The following ZNF704 variants were observed in gnomAD, a reference collection of about 807,000 sequenced individuals.
ZNF704 encodes the protein zinc finger protein 704.
In ZNF704, 10 loss-of-function variants were observed where a neutral mutation model predicts 44.7. The observed-to-expected ratio is 0.22, with a 90% CI of 0.14 to 0.38. ZNF704 has a LOEUF of 0.38. Among genes scored for constraint, ZNF704 ranks in the 10% least tolerant of loss-of-function variants. ZNF704 has a pLI of 1.00. For synonymous variants in ZNF704, 211 were observed against 207.6 expected (o/e 1.02, Z -0.14); for missense variants, 390 against 545.5 (o/e 0.71, Z 2.84).
chr8:80,802,915 A>G (rs917344940), intron 2 of ZNF704, among the ~76,000 whole-genome samples: 1 of 152,200 alleles, frequency 6.6e-6, no homozygotes, highest in African/African-American at 2.4e-5. Flanking sequence ...TTTACAGATG[A>G]CAAGATCCTA....
At chr8:80,781,508 A>G (rs1389811287) in intron 2 of ZNF704, among the ~76,000 whole-genome samples, 1 of 152,242 alleles carries the variant, frequency 6.6e-6, no homozygotes, top group East Asian at 1.9e-4. Flanking sequence ...TACTAAAAAC[A>G]GGTGGTGAAC....
chr8:80,798,051 C>T (rs1032857653), intron 2 of ZNF704, among the ~76,000 whole-genome samples: 4 of 151,840 alleles, frequency 2.6e-5, no homozygotes, highest in Admixed American at 2.0e-4. Context: ...TCTTTTTTTG[C>T]TCTTTTTTTC....
At chr8:80,788,151 AGAG>A (rs1489852698) in intron 2 of ZNF704, among the ~76,000 whole-genome samples, 3 of 152,248 alleles carry the variant, frequency 2.0e-5, no homozygotes, top group African/African-American at 7.2e-5. Context: ...TGCAATAATT[AGAG>A]TAGTTGAATA....
intron 1 of ZNF704, among the ~76,000 whole-genome samples, chr8:80,866,916 T>C (rs1282153648): frequency 6.6e-6 from 1 of 152,114 alleles, no homozygotes; most frequent in African/African-American, 2.4e-5. Flanking sequence ...GGCTCCTCCC[T>C]ACTAGGAGGC....
intron 2 of ZNF704, among the ~76,000 whole-genome samples, chr8:80,746,672 G>A (rs766613890): frequency 6.6e-5 from 10 of 152,116 alleles, no homozygotes; most frequent in Admixed American, 6.6e-4. Flanking sequence ...AAGTCCAATG[G>A]GGGCAGCAGA....
intron 2 of ZNF704, among the ~76,000 whole-genome samples, chr8:80,702,427 G>A (rs995552110): frequency 6.6e-6 from 1 of 152,190 alleles, no homozygotes; most frequent in South Asian, 2.1e-4. Flanking sequence ...CTGTTGTGAT[G>A]GTCACTGGAG....
intron 2 of ZNF704, among the ~76,000 whole-genome samples, chr8:80,710,592 T>C (rs1294023687): frequency 6.6e-6 from 1 of 152,152 alleles, no homozygotes; most frequent in Non-Finnish European, 1.5e-5. Context: ...GATGAGGTCA[T>C]GAAGGTAGAG....
In ZNF704 at chr8:80,866,890, G is replaced by A. The variant is rs1809164462; in HGVS notation, c.-22+7681C>T. ...CTTCCAAGTAGCTAGGATTACAGGT[G>A]CACCAGGCCTGGCTTGGCTCCTCCC... is the stretch of plus-strand genomic sequence containing the variant. On this transcript the variant is annotated intron_variant, in intron 1 of 8. Transcript: ENST00000327835. 3.9e-5 allele frequency among the ~76,000 whole-genome samples: 6 copies of A among 152,140 alleles called. No homozygotes were observed. In the South Asian group the frequency reaches 1.2e-3, roughly 32 times the overall value.
At position 80,874,450 on chromosome 8, in the gene ZNF704, G is replaced by C. The variant is rs1463744952; in HGVS notation, c.-22+121C>G. 1 of 150,920 alleles carries C rather than the reference G, an allele frequency of 6.6e-6. No individual in the cohort carries two copies. The highest frequency in any genetic ancestry group is 2.0e-4 in the East Asian group (1 of 5,126). 9.3% of individuals were successfully genotyped at this position (150,920 alleles called of 1,614,324 possible). A position where few individuals can be genotyped will look rare whatever the true frequency, so the allele number is the denominator to read the frequency against. On this transcript the variant is annotated intron_variant, in intron 1 of 8. Coordinates refer to ENST00000327835, the MANE Select transcript of ZNF704 (RefSeq NM_001033723.3). The surrounding 1 kb of genome is among the most constrained non-coding windows in gnomAD (Gnocchi z 4.4). ...TCCGGGCCTACCGCTGCCGTGCCTC[G>C]GCGCGAGCTGTTTGTGTTGTATGTT...
At chr8:80,648,111 A>C (rs1817861237) in intron 7 of ZNF704, among the ~76,000 whole-genome samples, 1 of 152,142 alleles carries the variant, frequency 6.6e-6, no homozygotes, top group Non-Finnish European at 1.5e-5. Context: ...CCTGATAATG[A>C]CACTAATCCA....
chr8:80,677,702 A>G (rs546189657), intron 4 of ZNF704, among the ~76,000 whole-genome samples: 2 of 152,292 alleles, frequency 1.3e-5, no homozygotes, highest in African/African-American at 2.4e-5. Context: ...GGGATAGACT[A>G]TATTCTATCC....
chr8:80,788,394 T>C (rs1807649203), intron 2 of ZNF704, among the ~76,000 whole-genome samples: 1 of 152,228 alleles, frequency 6.6e-6, no homozygotes, highest in Non-Finnish European at 1.5e-5. Context: ...TCCCTTTCTT[T>C]CTAACAGAAT....
At chr8:80,664,201 A>G (rs1375984144) in intron 6 of ZNF704, among the ~76,000 whole-genome samples, 2 of 148,630 alleles carry the variant, frequency 1.3e-5, no homozygotes, top group Non-Finnish European at 3.0e-5. Flanking sequence ...GGTTCAAGCA[A>G]TTCTCCCGCC....
At chr8:80,824,994 G>T (rs1489783209) in intron 1 of ZNF704, among the ~76,000 whole-genome samples, 1 of 152,116 alleles carries the variant, frequency 6.6e-6, no homozygotes, top group Non-Finnish European at 1.5e-5. Flanking sequence ...AGACCATCGA[G>T]GCTAGGAAGA....
intron 2 of ZNF704, among the ~76,000 whole-genome samples, chr8:80,761,488 A>G (rs1457542306): frequency 6.6e-6 from 1 of 152,148 alleles, no homozygotes; most frequent in African/African-American, 2.4e-5. Context: ...GAACACTGAA[A>G]TCCCCAAAAA....
intron 2 of ZNF704, among the ~76,000 whole-genome samples, chr8:80,740,567 A>T (rs1367482517): frequency 1.3e-5 from 2 of 152,178 alleles, no homozygotes; most frequent in Non-Finnish European, 2.9e-5. Flanking sequence ...AGGTCAGTGC[A>T]AGATCTCAGG....
At chr8:80,803,196 CA>C (rs1466194786) in intron 2 of ZNF704, among the ~76,000 whole-genome samples, 7 of 152,074 alleles carry the variant, frequency 4.6e-5, no homozygotes, top group East Asian at 1.9e-4. Context: ...GGACACTAAA[CA>C]AATGGAAAAA....
At chr8:80,875,705 G>A (rs113982486), upstream of ZNF704, among the ~76,000 whole-genome samples, 1 of 152,222 alleles carries the variant, frequency 6.6e-6, no homozygotes, top group South Asian at 2.1e-4. Context: ...AGGCACCTCC[G>A]TGGGGCCAGA....
chr8:80,769,875 C>T (rs1807290273), intron 2 of ZNF704, among the ~76,000 whole-genome samples: 1 of 151,906 alleles, frequency 6.6e-6, no homozygotes, highest in South Asian at 2.1e-4. Flanking sequence ...AGCCCATTTT[C>T]ATGCTGCTAA....
Sources: gnomAD v4.1 joint callset for allele counts (sites outside exome capture counted in the v4.1 genomes callset) on GRCh38, gnomAD v4.1.1 for gene constraint, Gnocchi (gnomAD v3.1) non-coding constraint, MANE v1.5 for transcripts, NCBI Gene and HGNC (gene_info 2026-07-23, HGNC 2026-07-21) for gene names.